The following SV2C variants were observed in gnomAD, a reference collection of about 807,000 sequenced individuals.
SV2C encodes synaptic vesicle glycoprotein 2C.
Under a neutral mutation model 79.7 loss-of-function variants are expected in SV2C, and 49 were observed. The observed-to-expected ratio is 0.61, with a 90% confidence interval of 0.49 to 0.78. The LOEUF (loss-of-function observed/expected upper bound fraction) is 0.78, where lower values mean the gene tolerates loss of function less well. Ranked by LOEUF, SV2C falls within the 30% of genes least tolerant of loss-of-function variation. The pLI is 0.00. For missense variants in SV2C, 833 were observed against 912.9 expected (o/e 0.91, Z 1.13); for synonymous variants, 334 against 333.2 (o/e 1.00, Z -0.03).
At chr5:76,105,590 T>G (rs1747883365) in intron 1 of SV2C, among the ~76,000 whole-genome samples, 1 of 152,180 alleles carries the variant, frequency 6.6e-6, no homozygotes, top group African/African-American at 2.4e-5. Flanking sequence ...GAGGTTATAG[T>G]TTTTCTTCCT....
chr5:76,085,838 CA>C (rs1747173123), intron 1 of SV2C, among the ~76,000 whole-genome samples: 1 of 151,586 alleles, frequency 6.6e-6, no homozygotes, highest in African/African-American at 2.4e-5. Flanking sequence ...CACACACACA[CA>C]CACACACACA....
At position 76,221,111 on chromosome 5, in the gene SV2C, C is replaced by T. The variant is rs144274584; in HGVS notation, c.913+11224C>T. 3.0e-3 allele frequency among the ~76,000 whole-genome samples: 453 copies of T among 152,292 alleles called. 1 individual carries two copies. Among genetic ancestry groups the T allele is most frequent in the Middle Eastern group, 0.014 (4 of 294 alleles). ...TAGGAATGTTCCTGCATTTGATAAT[C>T]TAATGTTTAAGTGTGGCCCTTCCAT... On this transcript the variant is annotated intron_variant, in intron 4 of 12. Coordinates refer to ENST00000502798, the MANE Select transcript of SV2C (RefSeq NM_014979.4).
the SV2C span, among the ~76,000 whole-genome samples, chr5:76,048,557 A>G: frequency 1.1e-4 from 17 of 152,200 alleles, no homozygotes; most frequent in Non-Finnish European, 2.4e-4. Flanking sequence ...CAAAAAATCA[A>G]TTATCACAAG....
the SV2C span, among the ~76,000 whole-genome samples, chr5:75,934,982 T>C: frequency 1.3e-5 from 2 of 151,954 alleles, no homozygotes. Flanking sequence ...TCACAAAATA[T>C]TAATATATAG....
the SV2C span, among the ~76,000 whole-genome samples, chr5:76,049,025 A>AAGAAAG: frequency 1.0e-4 from 5 of 48,210 alleles, no homozygotes; most frequent in African/African-American, 1.2e-4. Flanking sequence ...GAAAGAAAGA[A>AAGAAAG]AAAGAAAAGA....
intron 3 of SV2C, among the ~76,000 whole-genome samples, chr5:76,205,697 G>T (rs1237927769): frequency 6.6e-6 from 1 of 152,148 alleles, no homozygotes; most frequent in Non-Finnish European, 1.5e-5. Flanking sequence ...TAATGTAAAA[G>T]ATATTTGTGT....
At chr5:76,139,012 A>G (rs6889883) in intron 2 of SV2C, among the ~76,000 whole-genome samples, 67,142 of 151,648 alleles carry the variant, frequency 0.44, 17,342 homozygotes, top group Middle Eastern at 0.6. Flanking sequence ...CCAGCTACTC[A>G]GGAGGCTGAG....
chr5:76,331,970 T>C lies in SV2C; in HGVS notation c.*6423T>C, dbSNP rs1450594028. 1 of 152,170 alleles carries C rather than the reference T, an allele frequency of 6.6e-6. No homozygotes were observed. The highest frequency in any genetic ancestry group is 1.5e-5 in the Non-Finnish European group (1 of 68,034). The allele number at this position is 152,170 out of a possible 1,614,324, so 9.4% of individuals were successfully genotyped here. A position where few individuals can be genotyped will look rare whatever the true frequency, so the allele number is the denominator to read the frequency against. ...GAGCAGCCCATCTCCAGAGCAGAAG[T>C]CTGAGAGCTCAGCGTTTGACTCCTG... On this transcript the variant is annotated 3_prime_UTR_variant, in exon 13 of 13. Transcript: ENST00000502798.
At chr5:75,916,380 C>CTCCCCT in the SV2C span, among the ~76,000 whole-genome samples, 2 of 143,700 alleles carry the variant, frequency 1.4e-5, no homozygotes, top group Non-Finnish European at 3.1e-5. Context: ...CTTCCTCCTC[C>CTCCCCT]TCCCCTTCCC....
At chr5:75,945,778 C>T in the SV2C span, among the ~76,000 whole-genome samples, 1 of 151,730 alleles carries the variant, frequency 6.6e-6, no homozygotes, top group African/African-American at 2.4e-5. Context: ...GGAAAGATAC[C>T]TAGAAAAATC....
At chr5:76,039,999 G>A in the SV2C span, among the ~76,000 whole-genome samples, 2 of 151,974 alleles carry the variant, frequency 1.3e-5, no homozygotes, top group African/African-American at 2.4e-5. Context: ...AATAGTAATG[G>A]CATCTTTTAT....
At chr5:76,119,074 C>A (rs1363100873) in intron 1 of SV2C, among the ~76,000 whole-genome samples, 1 of 152,152 alleles carries the variant, frequency 6.6e-6, no homozygotes, top group Non-Finnish European at 1.5e-5. Flanking sequence ...TATGCATCAC[C>A]ACATATTAAT....
At chr5:76,065,497 C>G in the SV2C span, among the ~76,000 whole-genome samples, 2 of 152,156 alleles carry the variant, frequency 1.3e-5, no homozygotes, top group African/African-American at 4.8e-5. Flanking sequence ...AGTAAGCCGT[C>G]TGCCTACAAT....
the SV2C span, among the ~76,000 whole-genome samples, chr5:76,013,016 T>C: frequency 6.6e-6 from 1 of 152,186 alleles, no homozygotes; most frequent in Admixed American, 6.5e-5. Context: ...AGCCTTGTAG[T>C]ATAGTTTGAA....
chr5:75,900,157 C>T, the SV2C span, among the ~76,000 whole-genome samples: 1 of 152,154 alleles, frequency 6.6e-6, no homozygotes, highest in Non-Finnish European at 1.5e-5. Context: ...TCCTTCCTAG[C>T]CTCGATGGTC....
At chr5:76,235,954 C>T (rs1279993418) in intron 4 of SV2C, among the ~76,000 whole-genome samples, 1 of 152,160 alleles carries the variant, frequency 6.6e-6, no homozygotes, top group African/African-American at 2.4e-5. Flanking sequence ...TTGTAGAAGA[C>T]AGAGTGATCT....
chr5:76,148,019 A>G (rs900624743), intron 2 of SV2C, among the ~76,000 whole-genome samples: 4 of 152,000 alleles, frequency 2.6e-5, no homozygotes, highest in African/African-American at 4.8e-5. Context: ...TTTCTGTGCT[A>G]TGGTTTAGGA....
At chr5:75,893,886 G>A in the SV2C span, among the ~76,000 whole-genome samples, 17 of 152,090 alleles carry the variant, frequency 1.1e-4, no homozygotes, top group Non-Finnish European at 1.3e-4. Flanking sequence ...GATCAGACAC[G>A]TCACCAAGGA....
At chr5:76,110,997 A>T (rs901018310) in intron 1 of SV2C, among the ~76,000 whole-genome samples, 4 of 152,178 alleles carry the variant, frequency 2.6e-5, no homozygotes, top group African/African-American at 9.7e-5. Flanking sequence ...TACAAGATCT[A>T]CCCTAGGTAC....
Sources: gnomAD v4.1 joint callset for allele counts (sites outside exome capture counted in the v4.1 genomes callset) on GRCh38, gnomAD v4.1.1 for gene constraint, MANE v1.5 for transcripts, NCBI Gene and HGNC (gene_info 2026-07-23, HGNC 2026-07-21) for gene names.